Variants in VPS13C observed in about 807,000 individuals in gnomAD.
The protein encoded by VPS13C is vacuolar protein sorting 13 homolog C.
VPS13C carries 358 observed loss-of-function variants against 456.8 expected under a neutral mutation model. The ratio of observed to expected loss-of-function variants is 0.78; its 90% CI spans 0.72 to 0.86. The LOEUF is 0.86. Among genes scored for constraint, VPS13C ranks in the 40% least tolerant of loss-of-function variants. The pLI is 0.00. For synonymous variants in VPS13C, 1,578 were observed against 1,486.7 expected, an observed-to-expected ratio of 1.06 and a Z score of -1.41; for missense variants, 4,818 against 4,385.4, an observed-to-expected ratio of 1.10 and a Z score of -2.79.
intron 65 of VPS13C, 130 bp from the exon 66 acceptor site, chr15:61,907,520 C>A: frequency 8.3e-7 from 1 of 1,210,336 alleles, no homozygotes. Context: ...CACAACTCTA[C>A]CTAAAAACAA....
chr15:61,929,644 A>C lies in VPS13C; in HGVS notation c.6143T>G (p.Leu2048Arg). The C allele has an allele frequency of 6.2e-7, 1 of 1,614,134 alleles. No individual in the cohort carries two copies. The change falls in exon 51 of 85, where the codon CTG becomes CGG. Residue 2048 changes from leucine to arginine, a missense_variant. By Grantham distance (102) the Leu-to-Arg change is moderately radical. This residue lies in a region of VPS13C where 4,552 missense variants were observed against 4,130.6 expected (regional missense o/e 1.10). Coordinates refer to ENST00000644861, the MANE Select transcript of VPS13C (RefSeq NM_020821.3). Reference protein sequence around the residue: ...GSQIDAVLDKLYVCASVEFLM... With the variant: ...GSQIDAVLDKRYVCASVEFLM... ...AAATTCCACACTGGCACATACATAC[A>C]GCTTGTCAAGAACAGCATCAATTTG...
intron 16 of VPS13C, among the ~76,000 whole-genome samples, chr15:61,999,260 T>A (rs1358183930): frequency 1.3e-5 from 2 of 151,860 alleles, no homozygotes; most frequent in African/African-American, 2.4e-5. Context: ...ATGCCTATAG[T>A]CCCAGATACT....
intron 42 of VPS13C, among the ~76,000 whole-genome samples, chr15:61,948,867 A>G (rs1490855980): frequency 6.6e-6 from 1 of 152,196 alleles, no homozygotes; most frequent in Non-Finnish European, 1.5e-5. Context: ...ATTTGGCTTA[A>G]AAGTAAGCAA....
intron 82 of VPS13C, chr15:61,856,938 T>C (rs2140834142): frequency 6.5e-6 from 1 of 153,484 alleles, no homozygotes; most frequent in East Asian, 1.9e-4. Flanking sequence ...GGCCTACTAA[T>C]AAAGATCAGA....
chr15:61,951,157 T>C (rs1481639510), intron 39 of VPS13C, 133 bp from the exon 40 acceptor site: 3 of 536,502 alleles, frequency 5.6e-6, no homozygotes, highest in Non-Finnish European at 6.5e-6. Flanking sequence ...TGAAGTATGT[T>C]CTGTATAAAT....
intron 61 of VPS13C, among the ~76,000 whole-genome samples, chr15:61,914,447 T>A: frequency 6.6e-6 from 1 of 151,924 alleles, no homozygotes; most frequent in East Asian, 2.0e-4. Context: ...CAGGCACCTG[T>A]AATCCTAGCT....
At chr15:61,933,931 C>T (rs923450222) in intron 49 of VPS13C, among the ~76,000 whole-genome samples, 11 of 151,834 alleles carry the variant, frequency 7.2e-5, no homozygotes, top group Admixed American at 5.3e-4. Flanking sequence ...TAATTAATCA[C>T]TCATATATAA....
intron 53 of VPS13C, among the ~76,000 whole-genome samples, chr15:61,923,443 C>A (rs563532552): frequency 2.6e-5 from 4 of 152,224 alleles, no homozygotes; most frequent in South Asian, 4.2e-4. Flanking sequence ...CTGCCACCAG[C>A]ATAATTTTTC....
chr15:61,857,232 A>T (rs1893966490), intron 82 of VPS13C, among the ~76,000 whole-genome samples: 1 of 152,186 alleles, frequency 6.6e-6, no homozygotes, highest in Non-Finnish European at 1.5e-5. Flanking sequence ...AGAAACAAAC[A>T]TGTAAATAAA....
Position 61,983,474 on chromosome 15 carries a change from T to C in VPS13C, c.1914+346A>G, listed in dbSNP as rs545619729. Among the ~76,000 whole-genome samples, 97 of 152,160 alleles carry C rather than the reference T, an allele frequency of 6.4e-4. 2 individuals are homozygous for C. The highest frequency in any genetic ancestry group is 2.2e-3 in the African/African-American group (92 of 41,496). On this transcript the variant is annotated intron_variant, in intron 20 of 84. Coordinates refer to ENST00000644861, the MANE Select transcript of VPS13C (RefSeq NM_020821.3). ...AGCTCTTTGAATTTGTTCCAAACAT[T>C]GAAAGAAAAGAGAAAATATACAAAA...
At position 61,868,477 on chromosome 15, in the gene VPS13C, AT is replaced by A. The variant is rs71125954; in HGVS notation, c.10863+181del. On this transcript the variant is annotated intron_variant, in intron 81 of 84. Coordinates refer to ENST00000644861, the MANE Select transcript of VPS13C (RefSeq NM_020821.3). ...AGCTTTGCTCCCATGTAGAAAAAAA[AT>A]CATCTGTAATTTCCATTTAACACAT... 0.057 allele frequency among the ~76,000 whole-genome samples: 8,683 copies of A among 152,290 alleles called. 307 individuals are homozygous for A. Among genetic ancestry groups the A allele is most frequent in the Non-Finnish European group, 0.08 (5,411 of 68,008 alleles).
At chr15:62,020,879 A>T (rs1183955286) in intron 8 of VPS13C, among the ~76,000 whole-genome samples, 1 of 152,144 alleles carries the variant, frequency 6.6e-6, no homozygotes, top group East Asian at 1.9e-4. Flanking sequence ...GATAAATTTT[A>T]AAAGGTGTTA....
intron 5 of VPS13C, among the ~76,000 whole-genome samples, chr15:62,030,985 C>T (rs933497772): frequency 2.6e-5 from 4 of 151,978 alleles, no homozygotes; most frequent in African/African-American, 7.2e-5. Context: ...CTAGCATTTG[C>T]GAATCTTTTG....
At chr15:61,864,789 G>A in intron 81 of VPS13C, 12 of 985,174 alleles carry the variant, frequency 1.2e-5, no homozygotes, top group Non-Finnish European at 1.4e-5. Context: ...GTGCGAATTA[G>A]TTAAAATCTT....
At chr15:61,951,589 ACT>A (rs2044793671) in intron 39 of VPS13C, among the ~76,000 whole-genome samples, 1 of 152,182 alleles carries the variant, frequency 6.6e-6, no homozygotes, top group Non-Finnish European at 1.5e-5. Flanking sequence ...AAATGTTAAA[ACT>A]CACATAATTT....
In VPS13C at chr15:62,000,639, GAGGCACTTATAAACA is replaced by G; in HGVS notation, c.1291-28_1291-14del. On this transcript the variant is annotated splice_polypyrimidine_tract_variant and intron_variant, in intron 15 of 84. Coordinates refer to ENST00000644861, the MANE Select transcript of VPS13C (RefSeq NM_020821.3). ...TCTTCTCCAAGTCCTGTAAAAAACAGAGGCACTTATAAACAAGAAATTTAATCATTAGATAAAAGA... is the reference window on the plus strand; with the variant it reads ...TCTTCTCCAAGTCCTGTAAAAAACAGAGAAATTTAATCATTAGATAAAAGA... 6.3e-7 allele frequency: 1 copy of G among 1,589,134 alleles called. No homozygotes were observed. The highest frequency in any genetic ancestry group is 8.5e-7 in the Non-Finnish European group (1 of 1,172,764).
chr15:61,891,062 G>C (rs1186776643), intron 66 of VPS13C, among the ~76,000 whole-genome samples: 1 of 152,070 alleles, frequency 6.6e-6, no homozygotes, highest in African/African-American at 2.4e-5. Context: ...AAGAAAGAAA[G>C]AAATGTAACC....
chr15:61,999,608 TTTTG>T (rs1247019168), intron 16 of VPS13C, among the ~76,000 whole-genome samples: 1 of 152,136 alleles, frequency 6.6e-6, no homozygotes, highest in Non-Finnish European at 1.5e-5. Flanking sequence ...AGATGAGTGT[TTTTG>T]TTTTATTTAT....
rs1474276705 is a variant in VPS13C, at chr15:61,977,257, G to C, written c.2291-58C>G. ...TTTTTACAAACAGCCATGGAACATG[G>C]ATAAATATTATTTTTAATGAATATT... On this transcript the variant is annotated intron_variant, in intron 23 of 84. Coordinates refer to ENST00000644861, the MANE Select transcript of VPS13C (RefSeq NM_020821.3). 6.1e-6 allele frequency: 6 copies of C among 990,412 alleles called. No homozygotes were observed. The Admixed American group carries it at 1.6e-4, about 26-fold the overall frequency. 61.4% of individuals were successfully genotyped at this position (990,412 alleles called of 1,614,324 possible).
Sources: allele counts gnomAD v4.1 joint callset (sites outside exome capture counted in the v4.1 genomes callset), GRCh38; gene constraint gnomAD v4.1.1; regional missense constraint gnomAD v4.1.1; transcripts MANE v1.5; gene names NCBI Gene and HGNC (gene_info 2026-07-23, HGNC 2026-07-21).